ASZ1: variants seen among roughly 807,000 people sequenced by gnomAD.
The protein encoded by ASZ1 is ankyrin repeat, SAM and basic leucine zipper domain-containing protein 1.
ASZ1 carries 67 observed loss-of-function variants against 61.8 expected under a neutral mutation model. The ratio of observed to expected loss-of-function variants is 1.08; its 90% CI spans 0.89 to 1.33. The LOEUF is 1.33. Ranked by LOEUF, ASZ1 falls within the 40% of genes most tolerant of loss-of-function variation. The pLI is 0.00. For missense variants in ASZ1, 577 were observed against 554.5 expected (o/e 1.04, Z -0.41); for synonymous variants, 193 against 192.7 (o/e 1.00, Z -0.01).
intron 4 of ASZ1, among the ~76,000 whole-genome samples, chr7:117,394,107 T>C (rs1167952432): frequency 6.6e-6 from 1 of 152,078 alleles, no homozygotes; most frequent in East Asian, 1.9e-4. Flanking sequence ...TCCCCCACCC[T>C]GGCCCCCCTT....
chr7:117,419,829 CAG>C (rs1797065928), intron 4 of ASZ1, among the ~76,000 whole-genome samples: 1 of 152,142 alleles, frequency 6.6e-6, no homozygotes, highest in African/African-American at 2.4e-5. Flanking sequence ...AAATGTTATA[CAG>C]AGAGAACATT....
At chr7:117,399,653 C>T (rs942957119) in intron 4 of ASZ1, among the ~76,000 whole-genome samples, 3 of 149,544 alleles carry the variant, frequency 2.0e-5, no homozygotes, top group African/African-American at 4.9e-5. Context: ...ACAGGCGAAC[C>T]TATAGAGTTA....
At chr7:117,373,197 A>G (rs937827961) in intron 10 of ASZ1, among the ~76,000 whole-genome samples, 3 of 152,160 alleles carry the variant, frequency 2.0e-5, no homozygotes, top group Non-Finnish European at 4.4e-5. Context: ...ATTTCTGTTC[A>G]AAATATCTAA....
In ASZ1 at chr7:117,410,450, T is replaced by G. The variant is rs560500611; in HGVS notation, c.440+9713A>C. Among the ~76,000 whole-genome samples, 30 of 151,786 alleles carry G rather than the reference T, an allele frequency of 2.0e-4. 1 individual carries two copies. The South Asian group carries it at 3.5e-3, about 18-fold the overall frequency. On this transcript the variant is annotated intron_variant, in intron 4 of 12. Transcript: ENST00000284629. ...ATACATTTTTGCTTAATTTTAACAA[T>G]GAAAATTATGACTATTTTGCCATTA...
chr7:117,404,969 A>T (rs1177398483), intron 4 of ASZ1, among the ~76,000 whole-genome samples: 1 of 151,848 alleles, frequency 6.6e-6, no homozygotes, highest in Admixed American at 6.6e-5. Flanking sequence ...TTCTGTTTGA[A>T]CCTATTTCCC....
chr7:117,427,436 G>T lies in ASZ1; in HGVS notation c.25C>A (p.Leu9Met). 14 of 1,614,034 alleles carry T rather than the reference G, an allele frequency of 8.7e-6. No homozygotes were observed. Among genetic ancestry groups the T allele is most frequent in the Non-Finnish European group, 1.2e-5 (14 of 1,179,990 alleles). The change falls in exon 1 of 13, where the codon CTG becomes ATG. Residue 9 changes from leucine (L) to methionine (M), a missense_variant. Physicochemically the swap from Leu to Met is conservative, Grantham distance 15. Transcript: ENST00000284629. MAASALRG[L>M]PVAGGGESSE... ...CTCTCGCCTCCGCCAGCCACTGGCA[G>T]GCCTCGCAGCGCGCTCGCCGCCATG...
At chr7:117,367,708 A>T in intron 11 of ASZ1, 1 of 965,536 alleles carries the variant, frequency 1.0e-6, no homozygotes, top group Non-Finnish European at 1.3e-6. Flanking sequence ...TAATATTAGT[A>T]ATAACATTTA....
chr7:117,396,434 C>T (rs963139135), intron 4 of ASZ1, among the ~76,000 whole-genome samples: 4 of 152,148 alleles, frequency 2.6e-5, no homozygotes, highest in East Asian at 1.9e-4. Context: ...TATATGTTTT[C>T]GAAATTAAGG....
At chr7:117,376,813 T>C (rs1021434851) in intron 10 of ASZ1, among the ~76,000 whole-genome samples, 9 of 152,092 alleles carry the variant, frequency 5.9e-5, no homozygotes, top group Admixed American at 1.3e-4. Flanking sequence ...AAAAAACCTA[T>C]AGCTAACATC....
intron 4 of ASZ1, among the ~76,000 whole-genome samples, chr7:117,396,560 A>T (rs1796579131): frequency 6.6e-6 from 1 of 152,288 alleles, no homozygotes; most frequent in Admixed American, 6.5e-5. Context: ...CCTCTGACCT[A>T]TTTATGTAAT....
intron 10 of ASZ1, among the ~76,000 whole-genome samples, chr7:117,369,460 G>C (rs1796007478): frequency 6.6e-6 from 1 of 152,168 alleles, no homozygotes; most frequent in Non-Finnish European, 1.5e-5. Flanking sequence ...TTGAAAATTA[G>C]ACTTTTAAAT....
At chr7:117,403,794 C>T (rs1796724953) in intron 4 of ASZ1, among the ~76,000 whole-genome samples, 1 of 152,076 alleles carries the variant, frequency 6.6e-6, no homozygotes, top group Non-Finnish European at 1.5e-5. Flanking sequence ...TGGTCTGTGG[C>T]CTGTTAGGAA....
At chr7:117,378,492 C>A (rs576978560) in intron 10 of ASZ1, among the ~76,000 whole-genome samples, 4 of 152,096 alleles carry the variant, frequency 2.6e-5, no homozygotes, top group Admixed American at 2.0e-4. Context: ...TTACTGTATA[C>A]CCATCAGAAA....
At chr7:117,391,196 T>A (rs1796460918) in intron 4 of ASZ1, among the ~76,000 whole-genome samples, 1 of 152,156 alleles carries the variant, frequency 6.6e-6, no homozygotes, top group Admixed American at 6.5e-5. Context: ...CTTATCGATT[T>A]AAGTTCCTTA....
At chr7:117,380,271 G>A (rs1161956885) in intron 9 of ASZ1, among the ~76,000 whole-genome samples, 1 of 151,246 alleles carries the variant, frequency 6.6e-6, no homozygotes, top group Non-Finnish European at 1.5e-5. Flanking sequence ...CAATTTTTTT[G>A]CAATACATAA....
chr7:117,422,613 G>A (rs1355236608), intron 2 of ASZ1, among the ~76,000 whole-genome samples: 5 of 152,158 alleles, frequency 3.3e-5, no homozygotes, highest in Admixed American at 6.5e-5. Flanking sequence ...ATGTAACTGA[G>A]TATGTATATT....
intron 4 of ASZ1, among the ~76,000 whole-genome samples, chr7:117,397,914 C>T (rs1424168922): frequency 1.3e-5 from 2 of 152,240 alleles, no homozygotes; most frequent in Admixed American, 6.5e-5. Context: ...TGTCCACAGG[C>T]GAACTCACCT....
chr7:117,405,717 A>G (rs1399236586), intron 4 of ASZ1, among the ~76,000 whole-genome samples: 1 of 152,168 alleles, frequency 6.6e-6, no homozygotes, highest in African/African-American at 2.4e-5. Context: ...TGGGACCTCT[A>G]CTGACTCAAA....
At chr7:117,411,397 A>C (rs1226789070) in intron 4 of ASZ1, among the ~76,000 whole-genome samples, 1 of 151,822 alleles carries the variant, frequency 6.6e-6, no homozygotes, top group Non-Finnish European at 1.5e-5. Context: ...ATGATGTTCA[A>C]ACTAATTAAA....
Sources: allele counts gnomAD v4.1 joint callset (sites outside exome capture counted in the v4.1 genomes callset), GRCh38; gene constraint gnomAD v4.1.1; transcripts MANE v1.5; gene names NCBI Gene and HGNC (gene_info 2026-07-23, HGNC 2026-07-21).